ATXN7L1: variants seen among roughly 807,000 people sequenced by gnomAD.
The protein encoded by ATXN7L1 is ataxin 7 like 1.
In ATXN7L1, 15 loss-of-function variants were observed where a neutral mutation model predicts 70.8. The observed-to-expected ratio is 0.21, with a 90% confidence interval of 0.14 to 0.33. The LOEUF is 0.33. Ranked by LOEUF, ATXN7L1 falls within the 10% of genes least tolerant of loss-of-function variation. The pLI, the probability that ATXN7L1 is intolerant of heterozygous loss-of-function variation, is 1.00. For synonymous variants in ATXN7L1, 440 were observed against 445.1 expected (o/e 0.99, Z 0.14); for missense variants, 975 against 1,097.1 (o/e 0.89, Z 1.57).
chr7:105,700,019 T>C (rs1471681841), intron 3 of ATXN7L1, among the ~76,000 whole-genome samples: 1 of 152,154 alleles, frequency 6.6e-6, no homozygotes, highest in Admixed American at 6.6e-5. Context: ...GGCGTGGAGC[T>C]GAGGAGCAGC....
intron 2 of ATXN7L1, among the ~76,000 whole-genome samples, chr7:105,843,400 T>A (rs552507315): frequency 6.6e-6 from 1 of 152,344 alleles, no homozygotes; most frequent in East Asian, 1.9e-4. Flanking sequence ...GCCGGGGCAT[T>A]AAGGATAAAT....
At chr7:105,868,535 T>C (rs1817808752) in intron 2 of ATXN7L1, among the ~76,000 whole-genome samples, 1 of 152,204 alleles carries the variant, frequency 6.6e-6, no homozygotes, top group South Asian at 2.1e-4. Context: ...TGGACAGCTC[T>C]CTAAGATAAA....
At position 105,689,754 on chromosome 7, in the gene ATXN7L1, A is replaced by C. The variant is rs893495790; in HGVS notation, c.356-24466T>G. Among the ~76,000 whole-genome samples the C allele has an allele frequency of 3.9e-5, 6 of 152,346 alleles. No homozygotes were observed. The South Asian group carries it at 1.0e-3, about 26-fold the overall frequency. On this transcript the variant is annotated intron_variant, in intron 3 of 11. Coordinates refer to ENST00000419735, the MANE Select transcript of ATXN7L1 (RefSeq NM_020725.2). The stretch of plus-strand genomic sequence containing the variant: ...GCATCGTGTCATAGCCAGTTAGCCC[A>C]GAGCAAATGGGGGCATGAGGAGGCG...
At chr7:105,817,698 T>A (rs1303775438) in intron 2 of ATXN7L1, among the ~76,000 whole-genome samples, 1 of 152,056 alleles carries the variant, frequency 6.6e-6, no homozygotes, top group Non-Finnish European at 1.5e-5. Context: ...TGGAGCAACA[T>A]TTGAGGCTGG....
intron 8 of ATXN7L1, among the ~76,000 whole-genome samples, chr7:105,620,927 C>A (rs902183286): frequency 1.3e-5 from 2 of 151,084 alleles, no homozygotes; most frequent in Non-Finnish European, 2.9e-5. Context: ...ACAACCAACA[C>A]CCAGGGTGAC....
At chr7:105,648,392 C>T (rs571647036) in intron 4 of ATXN7L1, among the ~76,000 whole-genome samples, 51 of 152,312 alleles carry the variant, frequency 3.3e-4, no homozygotes, top group African/African-American at 1.2e-3. Context: ...AGGCATTTGA[C>T]CTTGCCATCC....
chr7:105,759,389 G>C (rs946951001), intron 3 of ATXN7L1, among the ~76,000 whole-genome samples: 3 of 151,666 alleles, frequency 2.0e-5, no homozygotes, highest in African/African-American at 7.3e-5. Flanking sequence ...GCAGGGAGGT[G>C]AGGCTTAAAC....
At position 105,614,131 on chromosome 7, in the gene ATXN7L1, C is replaced by T. The variant is rs1033557708; in HGVS notation, c.2203G>A (p.Ala735Thr). The change falls in exon 10 of 12, where the codon GCG becomes ACG. Residue 735 changes from alanine (A) to threonine (T), a missense_variant. Coordinates refer to ENST00000419735, the MANE Select transcript of ATXN7L1 (RefSeq NM_020725.2). This position sits in a 1 kb window ranked among gnomAD's most constrained non-coding sequence, Gnocchi z 4.3. ...GPADIVRQVG[A>T]VGGSSDSCPL... The stretch of plus-strand genomic sequence containing the variant: ...CAGGAGTCACTGCTGCCTCCCACCG[C>T]GCCCACCTGTCTCACTATGTCCGCG... 24 of 1,551,522 alleles carry T rather than the reference C, an allele frequency of 1.5e-5. No homozygotes were observed. Among genetic ancestry groups the T allele is most frequent in the Admixed American group, 2.0e-5 (1 of 50,984 alleles).
intron 2 of ATXN7L1, among the ~76,000 whole-genome samples, chr7:105,865,202 T>A (rs1817226347): frequency 6.6e-6 from 1 of 152,160 alleles, no homozygotes; most frequent in South Asian, 2.1e-4. Flanking sequence ...CCAGATAGCA[T>A]CTCATTTATT....
At chr7:105,820,800 C>T (rs969897364) in intron 2 of ATXN7L1, among the ~76,000 whole-genome samples, 1 of 152,138 alleles carries the variant, frequency 6.6e-6, no homozygotes, top group South Asian at 2.1e-4. Flanking sequence ...TTAGCACCAT[C>T]GCCTTGGTGA....
At chr7:105,688,985 G>T (rs1790366596) in intron 3 of ATXN7L1, among the ~76,000 whole-genome samples, 1 of 152,174 alleles carries the variant, frequency 6.6e-6, no homozygotes, top group Non-Finnish European at 1.5e-5. Context: ...CAAGACCTTG[G>T]GGGTGAATGG....
chr7:105,655,749 C>T (rs375382860), intron 4 of ATXN7L1, among the ~76,000 whole-genome samples: 1 of 152,210 alleles, frequency 6.6e-6, no homozygotes, highest in East Asian at 1.9e-4. Context: ...CTCCATAAAG[C>T]GTTGGGAAGA....
intron 2 of ATXN7L1, among the ~76,000 whole-genome samples, chr7:105,855,594 T>C (rs1053719279): frequency 2.0e-5 from 3 of 152,244 alleles, no homozygotes; most frequent in African/African-American, 4.8e-5. Flanking sequence ...ATTTTTTTGA[T>C]TATCAAAATT....
intron 2 of ATXN7L1, among the ~76,000 whole-genome samples, chr7:105,817,731 A>G (rs756478003): frequency 6.6e-6 from 1 of 152,226 alleles, no homozygotes; most frequent in Admixed American, 6.5e-5. Flanking sequence ...AGCCTGTGCA[A>G]CACAGCGAGA....
At chr7:105,668,667 C>T (rs1418925778) in intron 3 of ATXN7L1, among the ~76,000 whole-genome samples, 1 of 152,092 alleles carries the variant, frequency 6.6e-6, no homozygotes, top group African/African-American at 2.4e-5. Flanking sequence ...AGTGATTTGC[C>T]CGTCTCAGCC....
At chr7:105,613,472 T>G in intron 10 of ATXN7L1, 2 of 1,092,006 alleles carry the variant, frequency 1.8e-6, no homozygotes, top group Non-Finnish European at 2.2e-6. Flanking sequence ...AGATCAAACC[T>G]CTTAGCAACA....
At chr7:105,805,914 G>A (rs963903331) in intron 2 of ATXN7L1, among the ~76,000 whole-genome samples, 6 of 152,202 alleles carry the variant, frequency 3.9e-5, no homozygotes, top group African/African-American at 1.4e-4. Flanking sequence ...ATGTGCTCAT[G>A]AGTATGAGAG....
intron 3 of ATXN7L1, among the ~76,000 whole-genome samples, chr7:105,680,446 G>C (rs564926): frequency 0.24 from 37,038 of 152,082 alleles, 5,046 homozygotes; most frequent in East Asian, 0.37. Flanking sequence ...CCAGAATTGA[G>C]GAGAATTCAT....
chr7:105,638,412 C>T lies in ATXN7L1; in HGVS notation c.1143G>A (p.Gly381=), dbSNP rs1009036288. Reference sequence around the variant, plus strand: ...CAGGGGATGCAACTTTTGGTTCTGGCCCAGAGCTCCCTGAAGACCCTAGCA... The same window carrying T: ...CAGGGGATGCAACTTTTGGTTCTGGTCCAGAGCTCCCTGAAGACCCTAGCA... ...DSLLGSSGSS[G]PEPKVASPAK... is the part of the protein sequence containing the mutation. Residue 381 remains glycine, a synonymous_variant, in exon 7 of 12, where the codon GGG becomes GGA. Transcript: ENST00000419735. The T allele has an allele frequency of 3.9e-6, 6 of 1,552,232 alleles. No individual in the cohort carries two copies. The African/African-American group carries it at 4.1e-5, about 11-fold the overall frequency.
Sources: allele counts gnomAD v4.1 joint callset (sites outside exome capture counted in the v4.1 genomes callset), GRCh38; gene constraint gnomAD v4.1.1; non-coding constraint Gnocchi (gnomAD v3.1); transcripts MANE v1.5; gene names NCBI Gene and HGNC (gene_info 2026-07-23, HGNC 2026-07-21).